The following CLDN1 variants were observed in gnomAD, a reference collection of about 807,000 sequenced individuals.
CLDN1 encodes claudin-1.
A neutral mutation model predicts 22.6 loss-of-function variants in CLDN1; 12 were observed. That is an observed-to-expected ratio of 0.53 (90% confidence interval 0.34 to 0.86). The LOEUF is 0.86. Ranked by LOEUF, CLDN1 falls within the 40% of genes least tolerant of loss-of-function variation. CLDN1 has a pLI of 0.02. For synonymous variants in CLDN1, 99 were observed against 103.8 expected (o/e 0.95, Z 0.28); for missense variants, 250 against 269.5 (o/e 0.93, Z 0.51).
chr3:190,321,474 C>G (rs57083075), intron 1 of CLDN1, among the ~76,000 whole-genome samples: 11,250 of 152,138 alleles, frequency 0.074, 557 homozygotes, highest in East Asian at 0.14. Flanking sequence ...TAGGACATTT[C>G]CAGTAGGAAT....
At chr3:190,319,470 C>T (rs1000800997) in intron 1 of CLDN1, among the ~76,000 whole-genome samples, 1 of 152,192 alleles carries the variant, frequency 6.6e-6, no homozygotes, top group Non-Finnish European at 1.5e-5. Flanking sequence ...TGCTCTATCT[C>T]ATTTTGTATT....
At chr3:190,320,729 C>A (rs1299581432) in intron 1 of CLDN1, among the ~76,000 whole-genome samples, 1 of 152,154 alleles carries the variant, frequency 6.6e-6, no homozygotes, top group African/African-American at 2.4e-5. Flanking sequence ...TAAACTTGAA[C>A]AATGCCAACA....
Position 190,307,718 on chromosome 3 carries a change from T to C in CLDN1, c.*559A>G, listed in dbSNP as rs1716493786. 6.5e-6 allele frequency: 1 copy of C among 152,834 alleles called. No individual in the cohort carries two copies. Among genetic ancestry groups the C allele is most frequent in the African/African-American group, 2.4e-5 (1 of 41,436 alleles). The allele number at this position is 152,834 out of a possible 1,614,324, so 9.5% of individuals were successfully genotyped here. Reference sequence around the variant, plus strand: ...AATAAGTATATGAAAAGGGCACGCATGAAGAATTGAAAGAATTCATCCTTG... The same window carrying C: ...AATAAGTATATGAAAAGGGCACGCACGAAGAATTGAAAGAATTCATCCTTG... On this transcript the variant is annotated 3_prime_UTR_variant, in exon 4 of 4. Coordinates refer to ENST00000295522, the MANE Select transcript of CLDN1 (RefSeq NM_021101.5).
chr3:190,309,100 A>G (rs2108606050), intron 3 of CLDN1, among the ~76,000 whole-genome samples: 1 of 152,294 alleles, frequency 6.6e-6, no homozygotes, highest in South Asian at 2.1e-4. Flanking sequence ...CAGACTCTCA[A>G]CTGCTGCAAT....
At chr3:190,309,009 T>A (rs1168508839) in intron 3 of CLDN1, among the ~76,000 whole-genome samples, 2 of 152,154 alleles carry the variant, frequency 1.3e-5, no homozygotes, top group Admixed American at 1.3e-4. Flanking sequence ...GGGTGGGGTA[T>A]CTGTGAGTGA....
intron 2 of CLDN1, among the ~76,000 whole-genome samples, chr3:190,311,415 C>T (rs1050508257): frequency 3.3e-5 from 5 of 152,162 alleles, no homozygotes; most frequent in African/African-American, 1.2e-4. Flanking sequence ...AACTGAGAGA[C>T]TGGTCATTTT....
At chr3:190,309,573 C>T (rs1716556422) in intron 3 of CLDN1, among the ~76,000 whole-genome samples, 1 of 152,168 alleles carries the variant, frequency 6.6e-6, no homozygotes, top group African/African-American at 2.4e-5. Context: ...AATGTTGTTA[C>T]ACGAGAGCTA....
rs201612869 is a variant in CLDN1, at chr3:190,308,322, C to T, written c.591G>A (p.Arg197=). ...PRKTTSYPTP[R]PYPKPAPSSG... is the part of the protein sequence containing the mutation. ...TGGAAGGTGCAGGTTTTGGATAGGG[C>T]CTTGGTGTTGGGTAAGAGGTTGTTT... Residue 197 remains arginine, a synonymous_variant, in exon 4 of 4, where the codon AGG becomes AGA. Coordinates refer to ENST00000295522, the MANE Select transcript of CLDN1 (RefSeq NM_021101.5). The T allele has an allele frequency of 1.9e-6, 3 of 1,613,698 alleles. No homozygotes were observed. Among genetic ancestry groups the T allele is most frequent in the East Asian group, 2.2e-5 (1 of 44,876 alleles).
chr3:190,320,613 G>T (rs554180263), intron 1 of CLDN1, among the ~76,000 whole-genome samples: 11 of 152,242 alleles, frequency 7.2e-5, no homozygotes, highest in Middle Eastern at 3.4e-3. Flanking sequence ...GGTATTCAAG[G>T]TGTTCAAACA....
At chr3:190,313,258 C>G in intron 1 of CLDN1, 1 of 550,038 alleles carries the variant, frequency 1.8e-6, no homozygotes, top group East Asian at 3.1e-5. Flanking sequence ...TCCCTCCACT[C>G]CAATATTTTA....
At chr3:190,317,429 A>G (rs1322045450) in intron 1 of CLDN1, among the ~76,000 whole-genome samples, 1 of 152,212 alleles carries the variant, frequency 6.6e-6, no homozygotes, top group Admixed American at 6.5e-5. Context: ...AAATACTTAC[A>G]AAGATCTCTA....
rs185741859 is a variant in CLDN1, at chr3:190,308,733, A to T, written c.474-294T>A. ...TAGGATACTTGTAAAGCATGTTTAT[A>T]TGTTTTAGAAGTAGGGTTTGGATCA... On this transcript the variant is annotated intron_variant, in intron 3 of 3. Coordinates refer to ENST00000295522, the MANE Select transcript of CLDN1 (RefSeq NM_021101.5). 2.0e-4 allele frequency among the ~76,000 whole-genome samples: 30 copies of T among 152,320 alleles called. No homozygotes were observed. The East Asian group carries it at 5.4e-3, about 27-fold the overall frequency.
intron 2 of CLDN1, among the ~76,000 whole-genome samples, chr3:190,312,571 T>C (rs1716651435): frequency 6.6e-6 from 1 of 152,214 alleles, no homozygotes; most frequent in African/African-American, 2.4e-5. Flanking sequence ...ATTATCTGAA[T>C]TACATGAACT....
chr3:190,311,682 CTAT>C (rs1217507419), intron 2 of CLDN1, among the ~76,000 whole-genome samples: 10 of 150,260 alleles, frequency 6.7e-5, no homozygotes, highest in African/African-American at 2.2e-4. Flanking sequence ...ATATAGTAGT[CTAT>C]TATTATAGCT....
chr3:190,309,175 C>T (rs1384867025), intron 3 of CLDN1, among the ~76,000 whole-genome samples: 3 of 152,166 alleles, frequency 2.0e-5, no homozygotes, highest in African/African-American at 7.2e-5. Flanking sequence ...ATAATCCCAC[C>T]TGCCTCAATA....
chr3:190,320,877 A>C (rs1716899123), intron 1 of CLDN1, among the ~76,000 whole-genome samples: 1 of 152,194 alleles, frequency 6.6e-6, no homozygotes, highest in African/African-American at 2.4e-5. Flanking sequence ...TTTCTCAAGG[A>C]AGATACTCCA....
At chr3:190,321,544 G>C (rs1206580168) in intron 1 of CLDN1, among the ~76,000 whole-genome samples, 1 of 152,138 alleles carries the variant, frequency 6.6e-6, no homozygotes, top group Admixed American at 6.5e-5. Flanking sequence ...AATACTTGAG[G>C]ATTATTTATT....
At chr3:190,320,011 A>C (rs1046945508) in intron 1 of CLDN1, among the ~76,000 whole-genome samples, 1 of 152,232 alleles carries the variant, frequency 6.6e-6, no homozygotes, top group Non-Finnish European at 1.5e-5. Flanking sequence ...GCTTTAAGTA[A>C]AATAAAAGTG....
chr3:190,318,224 TG>T (rs1344139615), intron 1 of CLDN1, among the ~76,000 whole-genome samples: 1 of 152,216 alleles, frequency 6.6e-6, no homozygotes, highest in African/African-American at 2.4e-5. Flanking sequence ...CTTTTCAGGA[TG>T]TCCTCAGAAG....
Sources: gnomAD v4.1 joint callset for allele counts (sites outside exome capture counted in the v4.1 genomes callset) on GRCh38, gnomAD v4.1.1 for gene constraint, MANE v1.5 for transcripts, NCBI Gene and HGNC (gene_info 2026-07-23, HGNC 2026-07-21) for gene names.